The following RMDN2 variants were observed in gnomAD, a reference collection of about 807,000 sequenced individuals.
RMDN2 encodes the protein regulator of microtubule dynamics 2.
A neutral mutation model predicts 52.8 loss-of-function variants in RMDN2; 61 were observed. That is an observed-to-expected ratio of 1.16 (90% CI 0.94 to 1.43). The LOEUF is 1.43. RMDN2 is among the 40% of genes most tolerant of loss of function. RMDN2 has a pLI of 0.00. For synonymous variants in RMDN2, 180 were observed against 153.1 expected, an observed-to-expected ratio of 1.18 and a Z score of -1.30; for missense variants, 592 against 475.3, an observed-to-expected ratio of 1.25 and a Z score of -2.28.
At chr2:38,055,710 T>G (rs2125304010) in intron 10 of RMDN2, among the ~76,000 whole-genome samples, 1 of 152,266 alleles carries the variant, frequency 6.6e-6, no homozygotes, top group South Asian at 2.1e-4. Context: ...CTCTTACTTG[T>G]GTGTGTGTCT....
At chr2:37,928,706 A>G (rs1295435012) in intron 1 of RMDN2, 2 of 152,322 alleles carry the variant, frequency 1.3e-5, no homozygotes, top group Non-Finnish European at 2.9e-5. Context: ...TGTGCGATAG[A>G]GCCCACCTCC....
At position 37,999,735 on chromosome 2, in the gene RMDN2, G is replaced by C. The variant is rs111723451; in HGVS notation, c.1044+2221G>C. Among the ~76,000 whole-genome samples, 826 of 152,188 alleles carry C rather than the reference G, an allele frequency of 5.4e-3. 7 individuals are homozygous for C. The highest frequency in any genetic ancestry group is 9.4e-3 in the Non-Finnish European group (641 of 68,006). The stretch of plus-strand genomic sequence containing the variant: ...CTACAACACAGGAGGCCGTGTTGTT[G>C]GTACCCAGACTGCCCCGAATCCACC... On this transcript the variant is annotated intron_variant, in intron 8 of 10. Coordinates refer to ENST00000354545, the MANE Select transcript of RMDN2 (RefSeq NM_001170791.3).
chr2:37,978,693 G>A (rs1031779801), intron 4 of RMDN2, among the ~76,000 whole-genome samples: 1 of 152,040 alleles, frequency 6.6e-6, no homozygotes, highest in Non-Finnish European at 1.5e-5. Flanking sequence ...TGGGAGGATC[G>A]TTTGAGTCCA....
At chr2:37,942,644 C>T (rs750915628) in intron 2 of RMDN2, among the ~76,000 whole-genome samples, 1 of 152,050 alleles carries the variant, frequency 6.6e-6, no homozygotes, top group Non-Finnish European at 1.5e-5. Flanking sequence ...AATTATTTTT[C>T]AATTTGTATT....
intron 7 of RMDN2, among the ~76,000 whole-genome samples, chr2:37,996,585 T>G: frequency 8.8e-6 from 1 of 113,962 alleles, no homozygotes; most frequent in Non-Finnish European, 1.7e-5. Context: ...GGTGAGACAT[T>G]GCCAAAAAAA....
At chr2:38,060,430 C>G (rs2125307644) in intron 10 of RMDN2, among the ~76,000 whole-genome samples, 2 of 152,258 alleles carry the variant, frequency 1.3e-5, no homozygotes, top group South Asian at 4.1e-4. Context: ...CCTGTGTTTC[C>G]CCACTTTTTT....
chr2:38,011,535 T>C (rs577729152), intron 10 of RMDN2, among the ~76,000 whole-genome samples: 6 of 152,298 alleles, frequency 3.9e-5, no homozygotes, highest in Middle Eastern at 3.4e-3. Flanking sequence ...CAATATTTAT[T>C]GTGATCTGAA....
At chr2:38,057,002 T>G (rs918393396) in intron 10 of RMDN2, among the ~76,000 whole-genome samples, 11 of 152,184 alleles carry the variant, frequency 7.2e-5, no homozygotes, top group African/African-American at 2.7e-4. Flanking sequence ...CTTAGCTTTG[T>G]GGGTTCATGA....
intron 2 of RMDN2, among the ~76,000 whole-genome samples, chr2:37,932,938 A>T (rs1245080227): frequency 1.4e-5 from 2 of 147,000 alleles, no homozygotes; most frequent in Non-Finnish European, 3.0e-5. Context: ...TCCCTCCCGG[A>T]CGAGGTGGCT....
chr2:37,991,184 C>G, intron 6 of RMDN2, 36 bp from the exon 7 acceptor site: 2 of 1,251,068 alleles, frequency 1.6e-6, no homozygotes, highest in Non-Finnish European at 2.3e-6. Flanking sequence ...ATATCTGAAA[C>G]TTGGGAGATG....
At chr2:38,045,203 A>G (rs545379868) in intron 10 of RMDN2, among the ~76,000 whole-genome samples, 1 of 152,288 alleles carries the variant, frequency 6.6e-6, no homozygotes, top group East Asian at 1.9e-4. Flanking sequence ...CAGGCTTCTG[A>G]TGAAAAGTTC....
At chr2:37,966,087 G>T (rs1308532991) in intron 2 of RMDN2, among the ~76,000 whole-genome samples, 1 of 152,132 alleles carries the variant, frequency 6.6e-6, no homozygotes, top group Non-Finnish European at 1.5e-5. Context: ...TATTCTTGGT[G>T]TGGATCTTTT....
intron 10 of RMDN2, among the ~76,000 whole-genome samples, chr2:38,014,584 GAAT>G (rs1204255972): frequency 1.3e-5 from 2 of 152,214 alleles, no homozygotes; most frequent in African/African-American, 4.8e-5. Context: ...AATGCTAGGA[GAAT>G]AATGACAGTT....
intron 2 of RMDN2, among the ~76,000 whole-genome samples, chr2:37,932,664 C>T (rs968571061): frequency 2.7e-5 from 4 of 150,138 alleles, no homozygotes; most frequent in South Asian, 2.1e-4. Context: ...CCTCACCTCA[C>T]GGGGCGGCTG....
At chr2:37,992,401 A>G (rs564393986) in intron 7 of RMDN2, among the ~76,000 whole-genome samples, 30 of 152,314 alleles carry the variant, frequency 2.0e-4, no homozygotes, top group African/African-American at 7.0e-4. Context: ...CAACACTCAA[A>G]TTTTTATAAC....
intron 7 of RMDN2, among the ~76,000 whole-genome samples, chr2:37,995,415 A>T (rs1412830885): frequency 6.6e-6 from 1 of 152,072 alleles, no homozygotes; most frequent in African/African-American, 2.4e-5. Flanking sequence ...AGAGATAAAG[A>T]GTGTAACTAT....
chr2:38,015,911 C>G (rs1270456542), intron 10 of RMDN2, among the ~76,000 whole-genome samples: 1 of 152,184 alleles, frequency 6.6e-6, no homozygotes, highest in Non-Finnish European at 1.5e-5. Flanking sequence ...AGTGTGCTAT[C>G]TCAGCTCAAA....
intron 2 of RMDN2, among the ~76,000 whole-genome samples, chr2:37,946,519 C>T (rs566957206): frequency 6.6e-5 from 10 of 152,206 alleles, no homozygotes; most frequent in African/African-American, 1.7e-4. Context: ...CACACTTTAT[C>T]GTTTAGCACA....
intron 5 of RMDN2, among the ~76,000 whole-genome samples, chr2:37,982,541 CCTTAT>C (rs1255779656): frequency 3.9e-5 from 6 of 152,134 alleles, no homozygotes; most frequent in Non-Finnish European, 8.8e-5. Flanking sequence ...GAATTATTTT[CCTTAT>C]CTTACGTAGC....
Sources: gnomAD v4.1 joint callset for allele counts (sites outside exome capture counted in the v4.1 genomes callset) on GRCh38, gnomAD v4.1.1 for gene constraint, MANE v1.5 for transcripts, NCBI Gene and HGNC (gene_info 2026-07-23, HGNC 2026-07-21) for gene names.